Variants in STK33 observed in about 807,000 individuals in gnomAD.
STK33 encodes serine/threonine kinase 33.
Under a neutral mutation model 58.0 loss-of-function variants are expected in STK33, and 52 were observed. That is an observed-to-expected ratio of 0.90 (90% confidence interval 0.72 to 1.13). The LOEUF is 1.13. Ranked by LOEUF, STK33 falls within the 50% of genes most tolerant of loss-of-function variation. STK33 has a pLI of 0.00. For missense variants in STK33, 630 were observed against 604.2 expected, an observed-to-expected ratio of 1.04 and a Z score of -0.45; for synonymous variants, 215 against 200.1, an observed-to-expected ratio of 1.07 and a Z score of -0.63.
rs918381818 is a variant in STK33, at chr11:8,442,003, T to C, written c.872-1250A>G. Among the ~76,000 whole-genome samples the C allele has an allele frequency of 3.4e-5, 5 of 148,208 alleles. 1 individual carries two copies. Among genetic ancestry groups the C allele is most frequent in the Non-Finnish European group, 5.9e-5 (4 of 67,432 alleles). Reference sequence around the variant, plus strand: ...CGTTTTTATTTTAGAAAAGTTTCAATCTCTCCCACCTACACATACCTACAC... The same window carrying C: ...CGTTTTTATTTTAGAAAAGTTTCAACCTCTCCCACCTACACATACCTACAC... On this transcript the variant is annotated intron_variant, in intron 11 of 15. Transcript: ENST00000687296.
chr11:8,463,191 G>A (rs1417222573), intron 7 of STK33, among the ~76,000 whole-genome samples: 1 of 152,076 alleles, frequency 6.6e-6, no homozygotes, highest in African/African-American at 2.4e-5. Flanking sequence ...CGACCTTTTT[G>A]GTACCAGGGA....
intron 14 of STK33, among the ~76,000 whole-genome samples, chr11:8,431,407 C>T (rs182925152): frequency 3.7e-4 from 57 of 152,044 alleles, no homozygotes; most frequent in Admixed American, 3.3e-3. Flanking sequence ...GATCAAAACC[C>T]GAATAACAAT....
At chr11:8,538,305 T>C (rs1955220759) in intron 1 of STK33, among the ~76,000 whole-genome samples, 1 of 152,204 alleles carries the variant, frequency 6.6e-6, no homozygotes, top group Admixed American at 6.5e-5. Flanking sequence ...CTCTATGAAG[T>C]AGGCACTACA....
At chr11:8,342,668 G>A in the STK33 span, among the ~76,000 whole-genome samples, 1 of 152,330 alleles carries the variant, frequency 6.6e-6, no homozygotes, top group South Asian at 2.1e-4. Context: ...ACATGCTTAT[G>A]AGGTAGGTAT....
chr11:8,432,756 A>G (rs1367130649), intron 14 of STK33, among the ~76,000 whole-genome samples: 1 of 152,218 alleles, frequency 6.6e-6, no homozygotes, highest in Non-Finnish European at 1.5e-5. Context: ...GAATCATAGA[A>G]AGTAAGACTT....
At chr11:8,528,167 G>C (rs534455162) in intron 1 of STK33, among the ~76,000 whole-genome samples, 1 of 152,316 alleles carries the variant, frequency 6.6e-6, no homozygotes, top group South Asian at 2.1e-4. Context: ...AGAGTCAGGA[G>C]CATGAGACTT....
intron 14 of STK33, among the ~76,000 whole-genome samples, chr11:8,422,183 T>G (rs962318278): frequency 7.9e-5 from 12 of 152,138 alleles, no homozygotes; most frequent in African/African-American, 2.9e-4. Context: ...CATGAATACA[T>G]GTTGAGTCTT....
chr11:8,405,011 A>G (rs1938846975), intron 15 of STK33, among the ~76,000 whole-genome samples: 1 of 152,084 alleles, frequency 6.6e-6, no homozygotes, highest in South Asian at 2.1e-4. Context: ...GTGGTGGCAC[A>G]CCTGTAGTCC....
intron 1 of STK33, chr11:8,567,281 T>C (rs772610709): frequency 4.6e-5 from 7 of 152,210 alleles, no homozygotes; most frequent in Non-Finnish European, 1.0e-4. Context: ...GTAACGTTTA[T>C]CTGGCTCCCC....
intron 1 of STK33, among the ~76,000 whole-genome samples, chr11:8,580,607 ATAACT>A (rs1453298887): frequency 6.6e-6 from 1 of 152,174 alleles, no homozygotes; most frequent in Non-Finnish European, 1.5e-5. Context: ...ACATTTTTAA[ATAACT>A]TAAAGAGTAT....
At chr11:8,465,355 T>C (rs1354238973) in intron 6 of STK33, 1 of 149,562 alleles carries the variant, frequency 6.7e-6, no homozygotes, top group Non-Finnish European at 1.5e-5. Context: ...AAAAGCAATA[T>C]GTGACAAAAA....
intron 1 of STK33, among the ~76,000 whole-genome samples, chr11:8,548,857 A>C (rs1444490814): frequency 1.3e-5 from 2 of 152,178 alleles, no homozygotes. Context: ...GGTTAAATTT[A>C]TCCCTAGGTG....
At chr11:8,548,059 G>GC in intron 1 of STK33, among the ~76,000 whole-genome samples, 1 of 151,820 alleles carries the variant, frequency 6.6e-6, no homozygotes, top group Non-Finnish European at 1.5e-5. Context: ...TATACCTAAT[G>GC]TAAATGACGA....
the STK33 span, among the ~76,000 whole-genome samples, chr11:8,337,698 G>A: frequency 1.3e-5 from 2 of 151,688 alleles, no homozygotes; most frequent in East Asian, 1.9e-4. Flanking sequence ...GCCTCCCACC[G>A]TTTCTCGTCT....
intron 12 of STK33, among the ~76,000 whole-genome samples, chr11:8,436,795 T>G (rs1188627713): frequency 6.6e-6 from 1 of 152,164 alleles, no homozygotes; most frequent in Non-Finnish European, 1.5e-5. Flanking sequence ...CCTCCTGGAT[T>G]CAAGTCATTT....
chr11:8,574,320 T>C (rs570011869), intron 1 of STK33, among the ~76,000 whole-genome samples: 2 of 152,204 alleles, frequency 1.3e-5, no homozygotes, highest in African/African-American at 2.4e-5. Flanking sequence ...GGGAGGATGG[T>C]TGAAGCGTGC....
chr11:8,521,564 G>A (rs1953439781), intron 1 of STK33, among the ~76,000 whole-genome samples: 1 of 152,216 alleles, frequency 6.6e-6, no homozygotes, highest in South Asian at 2.1e-4. Context: ...ATATAGGTGT[G>A]GGCAAAGACT....
chr11:8,564,274 C>G (rs1957306691), intron 1 of STK33, among the ~76,000 whole-genome samples: 1 of 152,084 alleles, frequency 6.6e-6, no homozygotes, highest in Non-Finnish European at 1.5e-5. Flanking sequence ...TATGAAATAG[C>G]AAATAGAAGA....
chr11:8,489,272 G>GAAAAAAAAAAAAAAAAAAAAAAAAAAA (rs60919146), intron 1 of STK33, among the ~76,000 whole-genome samples: 3 of 126,596 alleles, frequency 2.4e-5, no homozygotes, highest in East Asian at 2.3e-4. Context: ...AAAAAAAAAA[G>GAAAAAAAAAAAAAAAAAAAAAAAAAAA]AAAAAAAAAA....
Sources: gnomAD v4.1 joint callset for allele counts (sites outside exome capture counted in the v4.1 genomes callset) on GRCh38, gnomAD v4.1.1 for gene constraint, MANE v1.5 for transcripts, NCBI Gene and HGNC (gene_info 2026-07-23, HGNC 2026-07-21) for gene names.